TSPAN16: variants seen among roughly 807,000 people sequenced by gnomAD.
The protein encoded by TSPAN16 is tetraspanin-16.
A neutral mutation model predicts 25.2 loss-of-function variants in TSPAN16; 23 were observed. The observed-to-expected ratio is 0.91, with a 90% CI of 0.66 to 1.29. The LOEUF (loss-of-function observed/expected upper bound fraction) is 1.29. Ranked by LOEUF, TSPAN16 falls within the 50% of genes most tolerant of loss-of-function variation. TSPAN16 has a pLI of 0.00. For missense variants in TSPAN16, 272 were observed against 299.9 expected, an observed-to-expected ratio of 0.91 and a Z score of 0.69; for synonymous variants, 123 against 124.4, an observed-to-expected ratio of 0.99 and a Z score of 0.08.
intron 4 of TSPAN16, among the ~76,000 whole-genome samples, chr19:11,305,753 C>T (rs557241505): frequency 1.3e-5 from 2 of 152,104 alleles, no homozygotes; most frequent in African/African-American, 2.4e-5. Context: ...GTAGTCCCAG[C>T]TACTCAGGAG....
chr19:11,302,667 A>ATATATG (rs71164182), intron 4 of TSPAN16, among the ~76,000 whole-genome samples: 14 of 124,820 alleles, frequency 1.1e-4, no homozygotes, highest in African/African-American at 5.3e-4. Context: ...ATACATATAT[A>ATATATG]TATATATATA....
At chr19:11,312,306 C>T in intron 6 of TSPAN16, 84 bp downstream of exon 6, 1 of 547,800 alleles carries the variant, frequency 1.8e-6, no homozygotes, top group South Asian at 4.3e-5. Context: ...CACTGGGACA[C>T]AGGAGTGAAC....
chr19:11,302,348 G>C (rs890280866), intron 4 of TSPAN16, among the ~76,000 whole-genome samples: 2 of 151,472 alleles, frequency 1.3e-5, no homozygotes, highest in Admixed American at 1.3e-4. Context: ...AGTGAAATCA[G>C]GCAGTGTGTG....
chr19:11,302,979 A>G (rs1249107748), intron 4 of TSPAN16, among the ~76,000 whole-genome samples: 4 of 147,044 alleles, frequency 2.7e-5, no homozygotes, highest in Non-Finnish European at 5.9e-5. Context: ...CCGGGAGGTG[A>G]GGGGCGCCTC....
intron 6 of TSPAN16, among the ~76,000 whole-genome samples, chr19:11,313,717 A>C (rs2080717735): frequency 6.6e-6 from 1 of 152,150 alleles, no homozygotes; most frequent in South Asian, 2.1e-4. Context: ...AGGATGGCTA[A>C]AGATAATAAC....
At chr19:11,298,080 C>G in intron 1 of TSPAN16, 62 bp from the exon 2 acceptor site, 1 of 1,559,226 alleles carries the variant, frequency 6.4e-7, no homozygotes, top group Non-Finnish European at 8.8e-7. Flanking sequence ...CCGCACTCAC[C>G]CAGTTCTATT....
downstream of TSPAN16, among the ~76,000 whole-genome samples, chr19:11,320,122 C>CATTTTTTTTTTT (rs2080769364): frequency 1.9e-5 from 2 of 106,838 alleles, no homozygotes; most frequent in South Asian, 5.7e-4. Context: ...CCGGCCAGGA[C>CATTTTTTTTTTT]TTTTTTTTTT....
chr19:11,299,154 A>G (rs2080514651), intron 3 of TSPAN16, among the ~76,000 whole-genome samples: 1 of 151,954 alleles, frequency 6.6e-6, no homozygotes, highest in African/African-American at 2.4e-5. Flanking sequence ...GATAGCACGC[A>G]CTTGTAATCC....
At chr19:11,323,603 GAA>G (rs1237142151) in intron 6 of TSPAN16, 2 of 152,120 alleles carry the variant, frequency 1.3e-5, no homozygotes, top group Admixed American at 1.3e-4. Context: ...AAAAACAAAT[GAA>G]AAAAAGATAC....
chr19:11,299,082 C>A, intron 3 of TSPAN16, 136 bp downstream of exon 3: 2 of 813,664 alleles, frequency 2.5e-6, no homozygotes, highest in Admixed American at 2.6e-5. Context: ...GAGTTTGAGA[C>A]CAGCCTGGCC....
chr19:11,326,019 A>G (rs2080810758), intron 6 of TSPAN16, among the ~76,000 whole-genome samples: 1 of 152,044 alleles, frequency 6.6e-6, no homozygotes, highest in Non-Finnish European at 1.5e-5. Flanking sequence ...TCAGGAGTTC[A>G]AGACCCGCCT....
chr19:11,304,204 G>A (rs2080600798), intron 4 of TSPAN16, among the ~76,000 whole-genome samples: 1 of 151,620 alleles, frequency 6.6e-6, no homozygotes, highest in South Asian at 2.1e-4. Context: ...TTTGAGACAG[G>A]TGGTTGAGGC....
At chr19:11,297,790 G>T (rs1215803350) in intron 1 of TSPAN16, among the ~76,000 whole-genome samples, 1 of 151,210 alleles carries the variant, frequency 6.6e-6, no homozygotes, top group Non-Finnish European at 1.5e-5. Context: ...AGCCACTGTG[G>T]CTGGCCTATT....
At position 11,323,303 on chromosome 19, in the gene TSPAN16, G is replaced by T. The variant is rs2080791870; in HGVS notation, c.688-3491G>T. Reference sequence around the variant, plus strand: ...AGTCATCTAATTTGTTGGTATAAAAGATACCCTCGGCTGGGCGTGATGGCT... The same window carrying T: ...AGTCATCTAATTTGTTGGTATAAAATATACCCTCGGCTGGGCGTGATGGCT... On this transcript the variant is annotated intron_variant, in intron 6 of 6. Coordinates refer to the TSPAN16 transcript ENST00000316737. 3 of 152,234 alleles carry T rather than the reference G, an allele frequency of 2.0e-5. No homozygotes were observed. The South Asian group carries it at 6.2e-4, about 32-fold the overall frequency. The allele number at this position is 152,234 out of a possible 1,614,324, so 9.4% of individuals were successfully genotyped here.
At chr19:11,300,897 A>G (rs1166337220) in intron 3 of TSPAN16, 3 of 228,070 alleles carry the variant, frequency 1.3e-5, no homozygotes, top group East Asian at 8.3e-5. Context: ...AGTTACAGCC[A>G]CATCGTGGGT....
At chr19:11,324,362 G>GC (rs1394661274) in intron 6 of TSPAN16, 3 of 152,134 alleles carry the variant, frequency 2.0e-5, no homozygotes, top group African/African-American at 4.8e-5. Flanking sequence ...GTCTTGAAGG[G>GC]CCCCCCTCAA....
chr19:11,302,669 A>ATATATATG (rs1555703607), intron 4 of TSPAN16, among the ~76,000 whole-genome samples: 14 of 127,126 alleles, frequency 1.1e-4, no homozygotes, highest in African/African-American at 5.8e-4. Context: ...ACATATATAT[A>ATATATATG]TATATATATA....
intron 4 of TSPAN16, among the ~76,000 whole-genome samples, chr19:11,302,660 C>CATATATATATTATATATATATATATAT (rs1320880788): frequency 1.0e-5 from 1 of 97,848 alleles, no homozygotes; most frequent in African/African-American, 5.3e-5. Context: ...TATACACATA[C>CATATATATATTATATATATATATATAT]ATATATATAT....
intron 3 of TSPAN16, chr19:11,300,916 G>A: frequency 3.3e-6 from 1 of 303,058 alleles, no homozygotes; most frequent in Non-Finnish European, 6.4e-6. Context: ...GTGCAGCAGG[G>A]TGTAGGCGAT....
Sources: allele counts gnomAD v4.1 joint callset (sites outside exome capture counted in the v4.1 genomes callset), GRCh38; gene constraint gnomAD v4.1.1; transcripts MANE v1.5; gene names NCBI Gene and HGNC (gene_info 2026-07-23, HGNC 2026-07-21).